Variants in FAM76A observed in about 807,000 individuals in gnomAD.
FAM76A encodes family with sequence similarity 76 member A.
A neutral mutation model predicts 46.2 loss-of-function variants in FAM76A; 32 were observed. The ratio of observed to expected loss-of-function variants is 0.69; its 90% CI spans 0.52 to 0.93. The LOEUF (loss-of-function observed/expected upper bound fraction) is 0.93. Among genes scored for constraint, FAM76A ranks in the 40% least tolerant of loss-of-function variants. The probability of loss-of-function intolerance (pLI) is 0.00; values close to 1 mark genes in which losing one functional copy is unlikely to be tolerated. For synonymous variants in FAM76A, 137 were observed against 127.0 expected (o/e 1.08, Z -0.53); for missense variants, 274 against 361.5 (o/e 0.76, Z 1.96).
chr1:27,726,186 G>A, intron 1 of FAM76A, 25 bp downstream of exon 1: 1 of 1,267,448 alleles, frequency 7.9e-7, no homozygotes, highest in Non-Finnish European at 9.9e-7. Flanking sequence ...GCGGCGGCCG[G>A]GAACTGGGGA....
At chr1:27,751,612 C>T (rs1285804330) in intron 6 of FAM76A, among the ~76,000 whole-genome samples, 1 of 151,494 alleles carries the variant, frequency 6.6e-6, no homozygotes, top group African/African-American at 2.4e-5. Context: ...TCAGGTGATC[C>T]TTCCACCTAA....
chr1:27,745,619 C>T (rs2088229123), intron 5 of FAM76A, among the ~76,000 whole-genome samples: 1 of 152,092 alleles, frequency 6.6e-6, no homozygotes, highest in Non-Finnish European at 1.5e-5. Flanking sequence ...AACAGATGAT[C>T]TTAGTATAAT....
rs1254249401 is a variant in FAM76A at position 27,725,988 on chromosome 1, A to G, written c.-93A>G. 3.0e-6 allele frequency: 3 copies of G among 1,003,580 alleles called. No homozygotes were observed. The highest frequency in any genetic ancestry group is 3.8e-6 in the Non-Finnish European group (3 of 789,404). 62.2% of individuals were successfully genotyped at this position (1,003,580 alleles called of 1,614,324 possible). ...CTGCGCCCGCCCGCCTGCCGCAGCCAGCAGCCTGCAGCCGCCGCCGGGTTG... is the reference window on the plus strand; with the variant it reads ...CTGCGCCCGCCCGCCTGCCGCAGCCGGCAGCCTGCAGCCGCCGCCGGGTTG... On this transcript the variant is annotated 5_prime_UTR_variant, in exon 1 of 9. Transcript: ENST00000373954.
intron 2 of FAM76A, among the ~76,000 whole-genome samples, 156 bp from the exon 3 acceptor site, chr1:27,732,447 A>G (rs868678884): frequency 3.9e-5 from 6 of 152,102 alleles, no homozygotes; most frequent in South Asian, 2.1e-4. Context: ...GAATAAAAAT[A>G]AAAGAGTTAT....
At chr1:27,744,617 A>AT (rs765136780) in intron 4 of FAM76A, 37 bp from the exon 5 acceptor site, 3 of 1,609,704 alleles carry the variant, frequency 1.9e-6, no homozygotes, top group Admixed American at 3.3e-5. Flanking sequence ...ACTGCGCTAA[A>AT]TTCCCTCTTC....
At chr1:27,759,902 A>G (rs948633559) in intron 8 of FAM76A, 3 of 524,006 alleles carry the variant, frequency 5.7e-6, no homozygotes, top group African/African-American at 1.9e-5. Flanking sequence ...CAAGTAGCGA[A>G]GACCACAGCC....
chr1:27,742,798 C>T (rs967875631), intron 4 of FAM76A, among the ~76,000 whole-genome samples: 5 of 152,276 alleles, frequency 3.3e-5, no homozygotes, highest in East Asian at 1.9e-4. Context: ...CAGTGGCTCA[C>T]GCCTGTAATC....
At position 27,755,197 on chromosome 1, in the gene FAM76A, T is replaced by A. The variant is rs1489515911; in HGVS notation, c.602T>A (p.Phe201Tyr). 2 of 1,612,250 alleles carry A rather than the reference T, an allele frequency of 1.2e-6. No individual in the cohort carries two copies. The highest frequency in any genetic ancestry group is 1.1e-5 in the South Asian group (1 of 90,664). The change falls in exon 7 of 9, where the codon TTC becomes TAC. Residue 201 changes from phenylalanine to tyrosine, a missense_variant and splice_region_variant. By Grantham distance (22) the Phe-to-Tyr change is conservative. Coordinates refer to ENST00000373954, the MANE Select transcript of FAM76A (RefSeq NM_152660.3). ...FESITTNGDSFSPDLALDSPG... is the reference protein window; with the variant it reads ...FESITTNGDSYSPDLALDSPG... Reference sequence around the variant, plus strand: ...TTTCCCCTGATTTTTAAATTTAGCTTCTCCCCAGACCTGGCTCTGGACTCA... The same window carrying A: ...TTTCCCCTGATTTTTAAATTTAGCTACTCCCCAGACCTGGCTCTGGACTCA...
At chr1:27,746,649 C>T (rs1557783120) in intron 5 of FAM76A, among the ~76,000 whole-genome samples, 1 of 152,104 alleles carries the variant, frequency 6.6e-6, no homozygotes, top group Admixed American at 6.5e-5. Context: ...ATCGCTTGAA[C>T]CCAGGAGGCG....
At chr1:27,735,421 C>T (rs2088027976) in intron 4 of FAM76A, among the ~76,000 whole-genome samples, 2 of 152,306 alleles carry the variant, frequency 1.3e-5, no homozygotes, top group African/African-American at 2.4e-5. Context: ...ATAGTAGCTG[C>T]TCAATAAGTA....
chr1:27,726,272 C>A, intron 1 of FAM76A, 111 bp downstream of exon 1: 1 of 1,016,216 alleles, frequency 9.8e-7, no homozygotes, highest in African/African-American at 1.7e-5. Flanking sequence ...TGTGGCAGGC[C>A]CGCCAGGCTG....
chr1:27,728,953 A>T (rs1399488381), intron 2 of FAM76A, among the ~76,000 whole-genome samples: 1 of 151,276 alleles, frequency 6.6e-6, no homozygotes, highest in Admixed American at 6.6e-5. Flanking sequence ...GACGGGGGGA[A>T]ACTCTGTCTC....
chr1:27,750,709 A>G (rs1392099519), intron 6 of FAM76A, among the ~76,000 whole-genome samples: 1 of 152,184 alleles, frequency 6.6e-6, no homozygotes, highest in Non-Finnish European at 1.5e-5. Flanking sequence ...AGATACTGCC[A>G]CTATTCTTGC....
At chr1:27,726,185 G>A (rs1398986044) in intron 1 of FAM76A, 24 bp downstream of exon 1, 3 of 1,266,716 alleles carry the variant, frequency 2.4e-6, no homozygotes, top group Non-Finnish European at 3.0e-6. Flanking sequence ...GGCGGCGGCC[G>A]GGAACTGGGG....
chr1:27,757,971 CA>C (rs1458258163), intron 7 of FAM76A, among the ~76,000 whole-genome samples: 1 of 139,148 alleles, frequency 7.2e-6, no homozygotes, highest in Non-Finnish European at 1.5e-5. Context: ...AGCAAGACTC[CA>C]TCTCAAAAAA....
intron 6 of FAM76A, among the ~76,000 whole-genome samples, chr1:27,751,777 C>T (rs764710301): frequency 3.3e-5 from 5 of 151,350 alleles, no homozygotes; most frequent in Non-Finnish European, 7.4e-5. Context: ...GCTGGGATTA[C>T]AGGAATGAGC....
At chr1:27,739,570 T>G (rs2088115565) in intron 4 of FAM76A, 1 of 318,146 alleles carries the variant, frequency 3.1e-6, no homozygotes, top group Non-Finnish European at 6.0e-6. Flanking sequence ...GTGGATCACT[T>G]GAGCCCAGGA....
intron 5 of FAM76A, among the ~76,000 whole-genome samples, chr1:27,747,195 C>G (rs2088254650): frequency 6.6e-6 from 1 of 152,208 alleles, no homozygotes; most frequent in Non-Finnish European, 1.5e-5. Context: ...CCAGATGATT[C>G]TAATGCAGGT....
chr1:27,748,120 G>GTTTTTTT (rs775627660), intron 5 of FAM76A, among the ~76,000 whole-genome samples: 2 of 108,344 alleles, frequency 1.8e-5, no homozygotes, highest in Non-Finnish European at 1.8e-5. Context: ...TGTAAAAGAA[G>GTTTTTTT]TTTTTTTTTT....
Sources: allele counts gnomAD v4.1 joint callset (sites outside exome capture counted in the v4.1 genomes callset), GRCh38; gene constraint gnomAD v4.1.1; transcripts MANE v1.5; gene names NCBI Gene and HGNC (gene_info 2026-07-23, HGNC 2026-07-21).